UBE2D3: variants seen among roughly 807,000 people sequenced by gnomAD.
UBE2D3 encodes ubiquitin-conjugating enzyme E2 D3.
In UBE2D3, 2 loss-of-function variants were observed where a neutral mutation model predicts 22.8. The observed-to-expected ratio is 0.09, with a 90% CI of 0.04 to 0.28. The LOEUF (loss-of-function observed/expected upper bound fraction) is 0.28, where lower values mean the gene tolerates loss of function less well. UBE2D3 is among the 10% of genes least tolerant of loss of function. The probability of loss-of-function intolerance (pLI) is 1.00; values close to 1 mark genes in which losing one functional copy is unlikely to be tolerated. For synonymous variants in UBE2D3, 56 were observed against 60.4 expected (o/e 0.93, Z 0.34); for missense variants, 27 against 182.5 (o/e 0.15, Z 4.91).
At chr4:102,866,714 GA>G (rs1733160648) in intron 1 of UBE2D3, among the ~76,000 whole-genome samples, 1 of 152,078 alleles carries the variant, frequency 6.6e-6, no homozygotes, top group South Asian at 2.1e-4. Context: ...ATACCAAGGG[GA>G]AAAATTAAAC....
intron 4 of UBE2D3, among the ~76,000 whole-genome samples, chr4:102,808,605 T>A (rs866117066): frequency 4.6e-5 from 7 of 152,184 alleles, no homozygotes; most frequent in African/African-American, 1.4e-4. Flanking sequence ...CATTAATTTA[T>A]CCTACTCAGC....
At chr4:102,860,404 G>GGTGTGTGTGT (rs540255423) in intron 1 of UBE2D3, among the ~76,000 whole-genome samples, 29 of 122,752 alleles carry the variant, frequency 2.4e-4, no homozygotes, top group African/African-American at 9.7e-4. Flanking sequence ...ATGTTTTCCT[G>GGTGTGTGTGT]GTGTGTGTGT....
chr4:102,825,872 G>T, intron 2 of UBE2D3: 1 of 443,790 alleles, frequency 2.3e-6, no homozygotes, highest in Non-Finnish European at 4.5e-6. Context: ...CAAAATACAG[G>T]AAGTGGCAAC....
intron 2 of UBE2D3, among the ~76,000 whole-genome samples, chr4:102,817,800 A>C (rs1228310488): frequency 6.6e-6 from 1 of 152,204 alleles, no homozygotes; most frequent in Non-Finnish European, 1.5e-5. Flanking sequence ...AAATGATTCT[A>C]TCCCACAGCA....
chr4:102,826,807 G>A (rs1182129774), intron 1 of UBE2D3, 171 bp from the exon 2 acceptor site: 6 of 1,241,446 alleles, frequency 4.8e-6, no homozygotes, highest in Non-Finnish European at 5.1e-6. Context: ...GTGACGGGAA[G>A]AGCGGAGGTG....
At chr4:102,802,318 G>A (rs2110257062) in intron 5 of UBE2D3, 3 of 314,428 alleles carry the variant, frequency 9.5e-6, no homozygotes, top group South Asian at 2.8e-4. Context: ...ATACAGATGA[G>A]GGCGGAAGCT....
upstream of UBE2D3, among the ~76,000 whole-genome samples, chr4:102,828,859 T>A (rs1290733046): frequency 6.6e-6 from 1 of 152,198 alleles, no homozygotes. Context: ...AGACCTTAAT[T>A]TTTATGAGGA....
At chr4:102,854,224 A>AT (rs1051907816) in intron 1 of UBE2D3, among the ~76,000 whole-genome samples, 5 of 151,570 alleles carry the variant, frequency 3.3e-5, no homozygotes, top group African/African-American at 7.3e-5. Flanking sequence ...TTTCGTTTAG[A>AT]TTTTTTTTGC....
At chr4:102,823,608 G>C (rs946549560) in intron 2 of UBE2D3, among the ~76,000 whole-genome samples, 1 of 152,170 alleles carries the variant, frequency 6.6e-6, no homozygotes, top group Non-Finnish European at 1.5e-5. Context: ...TGTAGTCCCT[G>C]TTTAATGGGA....
upstream of UBE2D3, chr4:102,828,131 C>T: frequency 5.1e-6 from 5 of 985,448 alleles, no homozygotes; most frequent in Non-Finnish European, 6.0e-6. Flanking sequence ...AGGAAAGCAA[C>T]GCCCCTGAAT....
At chr4:102,866,998 T>C (rs528416471) in intron 1 of UBE2D3, among the ~76,000 whole-genome samples, 1 of 152,318 alleles carries the variant, frequency 6.6e-6, no homozygotes, top group East Asian at 1.9e-4. Context: ...CTCCAAACTC[T>C]CTCTAAAGGA....
chr4:102,802,254 A>T (rs1306532897), intron 5 of UBE2D3: 1 of 224,244 alleles, frequency 4.5e-6, no homozygotes, highest in Non-Finnish European at 8.6e-6. Flanking sequence ...GAAGTTGGAC[A>T]TTTGATGCTT....
intron 1 of UBE2D3, among the ~76,000 whole-genome samples, chr4:102,850,934 G>C (rs574985792): frequency 6.6e-6 from 1 of 151,488 alleles, no homozygotes; most frequent in Non-Finnish European, 1.5e-5. Flanking sequence ...CTTTGTTGGG[G>C]GCGGGTGAGA....
intron 7 of UBE2D3, chr4:102,799,021 G>A: frequency 1.9e-6 from 3 of 1,543,308 alleles, no homozygotes; most frequent in South Asian, 1.1e-5. Flanking sequence ...ACATATGAAA[G>A]TTATAATGGT....
chr4:102,826,929 G>A, intron 1 of UBE2D3: 1 of 1,011,838 alleles, frequency 9.9e-7, no homozygotes, highest in South Asian at 4.2e-5. Context: ...CCCAGCAGAG[G>A]AGGAGCCGGG....
intron 1 of UBE2D3, among the ~76,000 whole-genome samples, chr4:102,855,626 G>A (rs977892897): frequency 1.3e-5 from 2 of 152,152 alleles, no homozygotes; most frequent in East Asian, 3.9e-4. Flanking sequence ...GTCTTGCAAC[G>A]TTTCCCAGGC....
intron 4 of UBE2D3, among the ~76,000 whole-genome samples, chr4:102,806,184 C>T (rs1727005949): frequency 2.6e-5 from 4 of 152,024 alleles, no homozygotes. Context: ...ATCTGGGTGC[C>T]CATCTAGTTT....
chr4:102,841,911 C>T (rs1326534518), intron 1 of UBE2D3, among the ~76,000 whole-genome samples: 2 of 152,184 alleles, frequency 1.3e-5, no homozygotes, highest in Non-Finnish European at 2.9e-5. Context: ...CTATCTTGCA[C>T]ATCACCATTA....
At position 102,802,424 on chromosome 4, in the gene UBE2D3, TAA is replaced by T; in HGVS notation, c.198+135_198+136del. On this transcript the variant is annotated intron_variant, in intron 5 of 7. Coordinates refer to ENST00000453744, the MANE Select transcript of UBE2D3 (RefSeq NM_181891.3). ...AGGTCTAGCTCTTTAAACCAAAGGT[TAA>T]GAGTCAGCATCTATACATGAGTGCA... 8.5e-6 allele frequency: 5 copies of T among 590,818 alleles called. No individual in the cohort carries two copies. The South Asian group carries it at 1.3e-4, about 16-fold the overall frequency. 36.6% of individuals were successfully genotyped at this position (590,818 alleles called of 1,614,324 possible).
Sources: allele counts gnomAD v4.1 joint callset (sites outside exome capture counted in the v4.1 genomes callset), GRCh38; gene constraint gnomAD v4.1.1; transcripts MANE v1.5; gene names NCBI Gene and HGNC (gene_info 2026-07-23, HGNC 2026-07-21).